The following PAPPA variants were observed in gnomAD, a reference collection of about 807,000 sequenced individuals.
The protein encoded by PAPPA is pappalysin 1, also known as pappalysin-1.
Under a neutral mutation model 164.0 loss-of-function variants are expected in PAPPA, and 60 were observed. The ratio of observed to expected loss-of-function variants is 0.37; its 90% CI spans 0.30 to 0.45. The LOEUF (loss-of-function observed/expected upper bound fraction) is 0.45, where lower values mean the gene tolerates loss of function less well. PAPPA is among the 20% of genes least tolerant of loss of function. PAPPA has a pLI of 1.00. For synonymous variants in PAPPA, 875 were observed against 814.1 expected, an observed-to-expected ratio of 1.07 and a Z score of -1.27; for missense variants, 1,782 against 2,087.3, an observed-to-expected ratio of 0.85 and a Z score of 2.85.
chr9:116,155,540 CACAA>C (rs1418204382), intron 1 of PAPPA, among the ~76,000 whole-genome samples: 1 of 152,200 alleles, frequency 6.6e-6, no homozygotes, highest in African/African-American at 2.4e-5. Context: ...TCCCTTTCTG[CACAA>C]ACAATCTTGC....
chr9:116,253,334 C>T (rs1844881865), intron 7 of PAPPA, among the ~76,000 whole-genome samples: 1 of 152,194 alleles, frequency 6.6e-6, no homozygotes, highest in Non-Finnish European at 1.5e-5. Flanking sequence ...TCTTCTTCAT[C>T]TTTGAGTCCT....
chr9:116,190,862 G>A (rs984451722), intron 2 of PAPPA, among the ~76,000 whole-genome samples: 7 of 152,226 alleles, frequency 4.6e-5, no homozygotes, highest in African/African-American at 1.7e-4. Flanking sequence ...AGCTGGGAAA[G>A]CTGTATGCCC....
chr9:116,161,084 T>C (rs796280880), intron 1 of PAPPA, among the ~76,000 whole-genome samples: 4 of 152,234 alleles, frequency 2.6e-5, no homozygotes, highest in African/African-American at 9.6e-5. Flanking sequence ...CGGGTCAGCA[T>C]GGTTAGGAGG....
intron 6 of PAPPA, among the ~76,000 whole-genome samples, chr9:116,228,321 C>T (rs1844541350): frequency 6.6e-6 from 1 of 152,134 alleles, no homozygotes; most frequent in Admixed American, 6.5e-5. Flanking sequence ...CAGGGATGTA[C>T]ACATAGACCC....
At chr9:116,356,163 T>G (rs1292964662) in intron 17 of PAPPA, among the ~76,000 whole-genome samples, 1 of 152,234 alleles carries the variant, frequency 6.6e-6, no homozygotes, top group Non-Finnish European at 1.5e-5. Flanking sequence ...TATTCATTCC[T>G]TGGGAGCCAG....
At chr9:116,260,149 A>T (rs766247980) in intron 7 of PAPPA, among the ~76,000 whole-genome samples, 1 of 152,222 alleles carries the variant, frequency 6.6e-6, no homozygotes, top group African/African-American at 2.4e-5. Context: ...AAAAATGTGC[A>T]TGGGAAGGAA....
chr9:116,370,347 T>C (rs1044892174), intron 19 of PAPPA, among the ~76,000 whole-genome samples: 17 of 152,148 alleles, frequency 1.1e-4, no homozygotes, highest in Non-Finnish European at 2.2e-4. Flanking sequence ...AGTAATGGAA[T>C]CTCAGAGGTG....
intron 7 of PAPPA, among the ~76,000 whole-genome samples, chr9:116,250,081 A>T (rs915314361): frequency 6.6e-6 from 1 of 151,478 alleles, no homozygotes; most frequent in Non-Finnish European, 1.5e-5. Flanking sequence ...GACCTGTGAG[A>T]CCACCTGTTT....
chr9:116,188,343 T>C (rs1407531329), intron 2 of PAPPA, 127 bp downstream of exon 2: 24 of 667,356 alleles, frequency 3.6e-5, no homozygotes, highest in Non-Finnish European at 7.7e-6. Flanking sequence ...AGCTTCATGA[T>C]TGAGGCAAGT....
chr9:116,282,681 C>G (rs1845282189), intron 9 of PAPPA, among the ~76,000 whole-genome samples: 2 of 152,174 alleles, frequency 1.3e-5, no homozygotes, highest in African/African-American at 4.8e-5. Context: ...TCAGGCTTAA[C>G]TACTAATTTA....
Position 116,187,831 on chromosome 9 carries a change from C to A in PAPPA, c.1093C>A (p.His365Asn), listed in dbSNP as rs144864748. The A allele has an allele frequency of 1.4e-3, 2,285 of 1,614,228 alleles. 3 individuals carry two copies. Among genetic ancestry groups the A allele is most frequent in the Non-Finnish European group, 1.7e-3 (2,061 of 1,180,044 alleles). ...CGTGGTCAACCTCTATGAAGATGAT[C>A]ATAAGAACCCGACGGTGACGCGCGA... ...YRVVNLYEDD[H>N]KNPTVTREQV... Residue 365 changes from histidine to asparagine, a missense_variant, in exon 2 of 22, where the codon CAT (histidine) becomes AAT (asparagine). Coordinates refer to ENST00000328252, the MANE Select transcript of PAPPA (RefSeq NM_002581.5). This position sits in a 1 kb window ranked among gnomAD's most constrained non-coding sequence, Gnocchi z 4.2.
intron 1 of PAPPA, among the ~76,000 whole-genome samples, chr9:116,161,498 TTA>T (rs1218668313): frequency 6.6e-6 from 1 of 152,214 alleles, no homozygotes; most frequent in Non-Finnish European, 1.5e-5. Context: ...TTCTACAAGC[TTA>T]TGTTTAAAGG....
chr9:116,265,765 G>A, intron 7 of PAPPA, 92 bp from the exon 8 acceptor site: 1 of 1,030,642 alleles, frequency 9.7e-7, no homozygotes, highest in Non-Finnish European at 1.4e-6. Context: ...GAGCAAGACT[G>A]ATAGAACCTA....
chr9:116,337,997 A>G (rs1043520345), intron 13 of PAPPA, among the ~76,000 whole-genome samples: 2 of 152,176 alleles, frequency 1.3e-5, no homozygotes, highest in African/African-American at 4.8e-5. Context: ...AGGGAAGGAT[A>G]GTGATGGGGT....
At chr9:116,385,278 TAAATAA>T (rs1846793302) in intron 21 of PAPPA, among the ~76,000 whole-genome samples, 1 of 60,306 alleles carries the variant, frequency 1.7e-5, no homozygotes, top group Non-Finnish European at 3.4e-5. Flanking sequence ...AATAAATAAA[TAAATAA>T]TAATTTGGAA....
At chr9:116,386,277 G>T (rs1425344802) in intron 21 of PAPPA, among the ~76,000 whole-genome samples, 1 of 152,152 alleles carries the variant, frequency 6.6e-6, no homozygotes, top group Non-Finnish European at 1.5e-5. Context: ...TTCCCAGTTT[G>T]ACTTTTAAGG....
At chr9:116,217,700 A>T (rs1000588813) in intron 4 of PAPPA, among the ~76,000 whole-genome samples, 1 of 152,048 alleles carries the variant, frequency 6.6e-6, no homozygotes. Flanking sequence ...ATGTACTAAC[A>T]TTTATCATGG....
intron 9 of PAPPA, among the ~76,000 whole-genome samples, chr9:116,275,871 G>A (rs541054724): frequency 3.3e-5 from 5 of 152,074 alleles, no homozygotes; most frequent in Non-Finnish European, 7.4e-5. Flanking sequence ...GTATTCCCAA[G>A]GTGCCAGTGT....
intron 18 of PAPPA, among the ~76,000 whole-genome samples, 185 bp from the exon 19 acceptor site, chr9:116,367,460 G>A (rs1272159664): frequency 6.6e-6 from 1 of 152,236 alleles, no homozygotes; most frequent in Non-Finnish European, 1.5e-5. Context: ...TGGGAGGCAT[G>A]TGAATGGAGT....
Sources: allele counts gnomAD v4.1 joint callset (sites outside exome capture counted in the v4.1 genomes callset), GRCh38; gene constraint gnomAD v4.1.1; non-coding constraint Gnocchi (gnomAD v3.1); transcripts MANE v1.5; gene names NCBI Gene and HGNC (gene_info 2026-07-23, HGNC 2026-07-21).